Variants in ERBB4 observed in about 807,000 individuals in gnomAD.
ERBB4 encodes receptor tyrosine-protein kinase erbB-4.
In ERBB4, 42 loss-of-function variants were observed where a neutral mutation model predicts 158.0. The observed-to-expected ratio is 0.27, with a 90% CI of 0.21 to 0.34. The LOEUF is 0.34. Ranked by LOEUF, ERBB4 falls within the 10% of genes least tolerant of loss-of-function variation. ERBB4 has a pLI of 1.00. For synonymous variants in ERBB4, 583 were observed against 558.7 expected, an observed-to-expected ratio of 1.04 and a Z score of -0.61; for missense variants, 1,333 against 1,624.1, an observed-to-expected ratio of 0.82 and a Z score of 3.08.
chr2:211,978,026 C>T (rs1016775718), intron 2 of ERBB4, among the ~76,000 whole-genome samples: 1 of 150,276 alleles, frequency 6.7e-6, no homozygotes, highest in Admixed American at 6.7e-5. Context: ...CTTGCTGCAT[C>T]CTAGATGTAT....
chr2:212,196,438 T>G (rs62182584), intron 1 of ERBB4, among the ~76,000 whole-genome samples: 29,155 of 151,290 alleles, frequency 0.19, 3,105 homozygotes, highest in Non-Finnish European at 0.22. Flanking sequence ...GGGGAGGAGG[T>G]GAAAGGGGAG....
chr2:211,502,481 T>C (rs146428778), intron 20 of ERBB4, among the ~76,000 whole-genome samples: 110 of 152,232 alleles, frequency 7.2e-4, no homozygotes, highest in African/African-American at 2.5e-3. Context: ...AATAAAACTG[T>C]ATTATAAAGC....
chr2:212,222,491 C>T (rs1559780398), intron 1 of ERBB4, among the ~76,000 whole-genome samples: 1 of 151,514 alleles, frequency 6.6e-6, no homozygotes, highest in African/African-American at 2.4e-5. Context: ...GACTTTTTTA[C>T]TGCCAAACCT....
At chr2:211,962,624 T>C (rs185607978) in intron 2 of ERBB4, among the ~76,000 whole-genome samples, 2 of 152,228 alleles carry the variant, frequency 1.3e-5, no homozygotes, top group East Asian at 3.9e-4. Context: ...ATGGAGTAGG[T>C]TGGTGAGAAG....
intron 1 of ERBB4, among the ~76,000 whole-genome samples, chr2:212,278,093 G>A (rs1219715538): frequency 6.6e-6 from 1 of 151,576 alleles, no homozygotes; most frequent in East Asian, 1.9e-4. Context: ...AATAGAACTA[G>A]GCTTTTTAGG....
intron 1 of ERBB4, among the ~76,000 whole-genome samples, chr2:212,247,364 A>T (rs1037038222): frequency 2.0e-5 from 3 of 152,198 alleles, no homozygotes; most frequent in Admixed American, 1.3e-4. Context: ...TTTCAAAAAA[A>T]ATTACTGCTT....
At chr2:212,503,353 T>A (rs1691005533) in intron 1 of ERBB4, among the ~76,000 whole-genome samples, 1 of 152,202 alleles carries the variant, frequency 6.6e-6, no homozygotes, top group Non-Finnish European at 1.5e-5. Flanking sequence ...TCCCTGCCAG[T>A]CTAAATGTTG....
At chr2:211,799,407 C>A (rs2076450123) in intron 3 of ERBB4, among the ~76,000 whole-genome samples, 1 of 152,026 alleles carries the variant, frequency 6.6e-6, no homozygotes, top group South Asian at 2.1e-4. Flanking sequence ...ATTTTAAAAT[C>A]TTTGCGGATC....
chr2:211,752,939 G>T (rs1478736910), intron 4 of ERBB4, among the ~76,000 whole-genome samples: 1 of 152,134 alleles, frequency 6.6e-6, no homozygotes, highest in East Asian at 1.9e-4. Flanking sequence ...TGCACTAGAG[G>T]ATCTAGAATT....
At chr2:211,676,385 A>G (rs1158257809) in intron 13 of ERBB4, among the ~76,000 whole-genome samples, 2 of 152,234 alleles carry the variant, frequency 1.3e-5, no homozygotes, top group East Asian at 1.9e-4. Context: ...TATGCTAAAT[A>G]TAAAAAACAG....
intron 1 of ERBB4, among the ~76,000 whole-genome samples, chr2:212,402,254 A>G (rs1019434989): frequency 9.2e-5 from 14 of 152,244 alleles, no homozygotes; most frequent in African/African-American, 2.6e-4. Context: ...AAAAAAGTCA[A>G]TCTCAAAGAT....
intron 16 of ERBB4, among the ~76,000 whole-genome samples, chr2:211,640,102 A>AT (rs573794721): frequency 5.3e-5 from 8 of 151,458 alleles, no homozygotes; most frequent in Middle Eastern, 3.4e-3. Flanking sequence ...AGCATTTTTG[A>AT]TTTTTTTTTA....
chr2:211,636,415 G>A (rs189331323), intron 16 of ERBB4, among the ~76,000 whole-genome samples: 5 of 151,938 alleles, frequency 3.3e-5, no homozygotes, highest in African/African-American at 1.2e-4. Flanking sequence ...CTTTACCTAA[G>A]CTAGTACAAA....
intron 1 of ERBB4, among the ~76,000 whole-genome samples, chr2:212,424,132 T>A (rs968215461): frequency 6.6e-6 from 1 of 152,116 alleles, no homozygotes; most frequent in African/African-American, 2.4e-5. Context: ...CTGAGTCTCC[T>A]TGGGGCTAAT....
intron 9 of ERBB4, 22 bp downstream of exon 9, chr2:211,712,028 T>G: frequency 3.7e-6 from 6 of 1,602,860 alleles, no homozygotes; most frequent in Non-Finnish European, 5.1e-6. Context: ...TAAAATAACT[T>G]GCACAAAAAT....
At chr2:212,057,226 C>T (rs903398016) in intron 2 of ERBB4, among the ~76,000 whole-genome samples, 18 of 152,184 alleles carry the variant, frequency 1.2e-4, no homozygotes, top group African/African-American at 3.9e-4. Flanking sequence ...ACAAGAAGAG[C>T]TAACTGTTCT....
intron 3 of ERBB4, among the ~76,000 whole-genome samples, chr2:211,903,059 C>A (rs540766324): frequency 6.6e-6 from 1 of 152,028 alleles, no homozygotes; most frequent in Admixed American, 6.6e-5. Flanking sequence ...TCTTCTATTG[C>A]ATTTTATTCT....
At chr2:212,040,922 CTT>C (rs1274987164) in intron 2 of ERBB4, among the ~76,000 whole-genome samples, 1 of 152,102 alleles carries the variant, frequency 6.6e-6, no homozygotes, top group East Asian at 1.9e-4. Context: ...AGTTAAATCT[CTT>C]TTAACTATTC....
chr2:211,768,385 T>G (rs758477323), intron 4 of ERBB4, among the ~76,000 whole-genome samples: 1 of 152,182 alleles, frequency 6.6e-6, no homozygotes, highest in Non-Finnish European at 1.5e-5. Flanking sequence ...GGCCCTCTTC[T>G]CACAGCTCCT....
Sources: gnomAD v4.1 joint callset for allele counts (sites outside exome capture counted in the v4.1 genomes callset) on GRCh38, gnomAD v4.1.1 for gene constraint, MANE v1.5 for transcripts, NCBI Gene and HGNC (gene_info 2026-07-23, HGNC 2026-07-21) for gene names.